SDHB: variants seen among roughly 807,000 people sequenced by gnomAD.
SDHB encodes succinate dehydrogenase complex iron sulfur subunit B, also known as succinate dehydrogenase [ubiquinone] iron-sulfur subunit, mitochondrial.
In SDHB, 21 loss-of-function variants were observed where a neutral mutation model predicts 39.7. The ratio of observed to expected loss-of-function variants is 0.53; its 90% confidence interval spans 0.37 to 0.76. SDHB has a LOEUF of 0.76. SDHB is among the 30% of genes least tolerant of loss of function. The pLI, the probability that SDHB is intolerant of heterozygous loss-of-function variation, is 0.00. For missense variants in SDHB, 343 were observed against 350.9 expected (o/e 0.98, Z 0.18); for synonymous variants, 118 against 117.0 (o/e 1.01, Z -0.06).
At chr1:17,025,442 C>T (rs1209641233) in intron 5 of SDHB, among the ~76,000 whole-genome samples, 2 of 141,520 alleles carry the variant, frequency 1.4e-5, no homozygotes, top group Non-Finnish European at 3.0e-5. Context: ...CAGGGTCTTG[C>T]TGTGTGCCCC....
At chr1:17,032,198 A>G (rs2078027132) in intron 3 of SDHB, among the ~76,000 whole-genome samples, 1 of 147,968 alleles carries the variant, frequency 6.8e-6, no homozygotes, top group Non-Finnish European at 1.5e-5. Context: ...TAGTAATTAT[A>G]TTTTTCTTTT....
In SDHB at chr1:17,018,766, T is replaced by A; in HGVS notation, c.*115A>T. ...GTAGAATAACATTTATTTCTTAAAATTTTTATTATACATGCTGTATTCATG... is the reference window on the plus strand; with the variant it reads ...GTAGAATAACATTTATTTCTTAAAAATTTTATTATACATGCTGTATTCATG... On this transcript the variant is annotated 3_prime_UTR_variant, in exon 8 of 8. Transcript: ENST00000375499. 1.4e-6 allele frequency: 1 copy of A among 739,770 alleles called. No homozygotes were observed. The highest frequency in any genetic ancestry group is 1.8e-5 in the African/African-American group (1 of 56,690). The allele number at this position is 739,770 out of a possible 1,614,324, so 45.8% of individuals were successfully genotyped here.
chr1:17,043,121 C>A (rs1203261937), intron 2 of SDHB, among the ~76,000 whole-genome samples: 1 of 151,812 alleles, frequency 6.6e-6, no homozygotes, highest in Non-Finnish European at 1.5e-5. Context: ...GCCACAACGC[C>A]CAGCTTATTT....
chr1:17,046,253 T>G (rs1376587540), intron 1 of SDHB, among the ~76,000 whole-genome samples: 4 of 152,170 alleles, frequency 2.6e-5, no homozygotes, highest in Non-Finnish European at 4.4e-5. Context: ...TTTTGTAAAC[T>G]GACATGAACA....
At chr1:17,036,171 G>A (rs1414782682) in intron 2 of SDHB, among the ~76,000 whole-genome samples, 1 of 152,160 alleles carries the variant, frequency 6.6e-6, no homozygotes, top group Non-Finnish European at 1.5e-5. Context: ...AATGAATCTG[G>A]AAATCAATTT....
chr1:17,042,490 G>A (rs963818570), intron 2 of SDHB, among the ~76,000 whole-genome samples: 6 of 152,096 alleles, frequency 3.9e-5, no homozygotes, highest in Non-Finnish European at 7.4e-5. Context: ...CTAAAAAATC[G>A]TTATGGGCTG....
chr1:17,022,038 G>A (rs1295904390), intron 7 of SDHB, among the ~76,000 whole-genome samples: 1 of 152,220 alleles, frequency 6.6e-6, no homozygotes, highest in African/African-American at 2.4e-5. Flanking sequence ...TCAGGAAACT[G>A]TGCTGAGAAG....
At chr1:17,019,410 A>G (rs2871775) in intron 7 of SDHB, among the ~76,000 whole-genome samples, 65,675 of 152,140 alleles carry the variant, frequency 0.43, 16,145 homozygotes, top group Non-Finnish European at 0.57. Context: ...TACCCTCTCT[A>G]TTAACCCTTT....
At chr1:17,034,439 G>T (rs1200897582) in intron 2 of SDHB, among the ~76,000 whole-genome samples, 1 of 152,146 alleles carries the variant, frequency 6.6e-6, no homozygotes, top group Non-Finnish European at 1.5e-5. Context: ...GTGAGGCAAT[G>T]GTGCGATCTC....
At chr1:17,026,346 A>C (rs2077990893) in intron 5 of SDHB, among the ~76,000 whole-genome samples, 1 of 151,736 alleles carries the variant, frequency 6.6e-6, no homozygotes, top group Admixed American at 6.6e-5. Flanking sequence ...GGGCACACTT[A>C]CTAGGACTCC....
chr1:17,027,787 G>T lies in SDHB; in HGVS notation c.502C>A (p.Gln168Lys). The T allele has an allele frequency of 6.2e-7, 1 of 1,612,246 alleles. No homozygotes were observed. The change falls in exon 5 of 8, where the codon CAG becomes AAG. Residue 168 changes from glutamine to lysine, a missense_variant. Physicochemically the swap from Gln to Lys is moderately conservative, Grantham distance 53. Coordinates refer to ENST00000375499, the MANE Select transcript of SDHB (RefSeq NM_003000.3). ...KKKDESQEGK[Q>K]QYLQSIEERE... ...TCTTCTATGGACTGCAGATACTGCTGCTTGCCTTCCTGAGATTCATCCTTC... is the reference window on the plus strand; with the variant it reads ...TCTTCTATGGACTGCAGATACTGCTTCTTGCCTTCCTGAGATTCATCCTTC...
intron 2 of SDHB, among the ~76,000 whole-genome samples, chr1:17,044,185 C>A (rs1335695219): frequency 1.3e-5 from 2 of 151,884 alleles, no homozygotes; most frequent in East Asian, 3.8e-4. Flanking sequence ...TCAATACATT[C>A]AGCATTAAAA....
chr1:17,024,903 T>C (rs2101517825), intron 5 of SDHB, among the ~76,000 whole-genome samples: 1 of 152,330 alleles, frequency 6.6e-6, no homozygotes, highest in East Asian at 1.9e-4. Flanking sequence ...AACTGATGGT[T>C]GTGATTGAAC....
At chr1:17,034,919 A>G (rs1157407823) in intron 2 of SDHB, among the ~76,000 whole-genome samples, 1 of 152,134 alleles carries the variant, frequency 6.6e-6, no homozygotes, top group Non-Finnish European at 1.5e-5. Context: ...GTTCTGTTCT[A>G]GATGCTGGGG....
chr1:17,039,949 T>C (rs977452137), intron 2 of SDHB, among the ~76,000 whole-genome samples: 2 of 152,202 alleles, frequency 1.3e-5, no homozygotes, highest in African/African-American at 2.4e-5. Flanking sequence ...TTCCACCTGG[T>C]ATTATTTTTC....
intron 1 of SDHB, among the ~76,000 whole-genome samples, chr1:17,048,157 C>T (rs760417426): frequency 1.3e-5 from 2 of 152,224 alleles, no homozygotes; most frequent in African/African-American, 4.8e-5. Context: ...CCCTGTACTC[C>T]GTAAGCCCTA....
intron 7 of SDHB, among the ~76,000 whole-genome samples, chr1:17,022,063 C>G (rs914962457): frequency 7.2e-5 from 11 of 152,060 alleles, no homozygotes; most frequent in African/African-American, 2.7e-4. Context: ...GGGAGGCAGG[C>G]GGGTGGCTGA....
At chr1:17,021,394 AT>A (rs2077961337) in intron 7 of SDHB, among the ~76,000 whole-genome samples, 1 of 151,938 alleles carries the variant, frequency 6.6e-6, no homozygotes, top group African/African-American at 2.4e-5. Flanking sequence ...GTGAGCTATG[AT>A]TGCGCCACTG....
intron 7 of SDHB, among the ~76,000 whole-genome samples, chr1:17,020,474 G>T (rs1301861553): frequency 1.3e-5 from 2 of 152,170 alleles, no homozygotes; most frequent in Non-Finnish European, 2.9e-5. Flanking sequence ...TTTTACAGAA[G>T]GGAGGGCAAG....
Sources: gnomAD v4.1 joint callset for allele counts (sites outside exome capture counted in the v4.1 genomes callset) on GRCh38, gnomAD v4.1.1 for gene constraint, MANE v1.5 for transcripts, NCBI Gene and HGNC (gene_info 2026-07-23, HGNC 2026-07-21) for gene names.